GIGYF2: variants seen among roughly 807,000 people sequenced by gnomAD.
GIGYF2 encodes GRB10-interacting GYF protein 2.
A neutral mutation model predicts 208.1 loss-of-function variants in GIGYF2; 25 were observed. The observed-to-expected ratio is 0.12, with a 90% CI of 0.09 to 0.17. GIGYF2 has a LOEUF of 0.17. GIGYF2 is among the 10% of genes least tolerant of loss of function. The pLI is 1.00. For missense variants in GIGYF2, 1,302 were observed against 1,579.4 expected (o/e 0.82, Z 2.98); for synonymous variants, 534 against 543.8 (o/e 0.98, Z 0.25).
chr2:232,848,070 C>T (rs1702079487), intron 27 of GIGYF2, among the ~76,000 whole-genome samples: 1 of 152,172 alleles, frequency 6.6e-6, no homozygotes, highest in Non-Finnish European at 1.5e-5. Flanking sequence ...TGAACCATTG[C>T]TCCTAGGGGA....
At chr2:232,853,581 C>CT (rs926591505) in intron 28 of GIGYF2, among the ~76,000 whole-genome samples, 6 of 152,278 alleles carry the variant, frequency 3.9e-5, no homozygotes, top group South Asian at 4.1e-4. Flanking sequence ...CTGGCTTCCT[C>CT]TTTTTTTAGA....
At chr2:232,848,687 A>G (rs1033135359) in intron 27 of GIGYF2, among the ~76,000 whole-genome samples, 4 of 152,106 alleles carry the variant, frequency 2.6e-5, no homozygotes, top group Non-Finnish European at 5.9e-5. Flanking sequence ...AATTTGGAAA[A>G]CATGGCACTA....
chr2:232,747,282 A>G lies in GIGYF2; in HGVS notation c.42-333A>G, dbSNP rs35785837. Among the ~76,000 whole-genome samples the G allele has an allele frequency of 0.16, 24,693 of 152,126 alleles. 2,598 individuals are homozygous for G. Among genetic ancestry groups the G allele is most frequent in the Non-Finnish European group, 0.22 (14,881 of 67,990 alleles). On this transcript the variant is annotated intron_variant, in intron 3 of 28. Coordinates refer to ENST00000373563, the MANE Select transcript of GIGYF2 (RefSeq NM_001103146.3). ...TAAGTTTTATGAATCTAGTGAGTGT[A>G]AGGTAGTATCTCACTTTTGTTTTAA...
At chr2:232,848,965 C>T (rs937815922) in intron 27 of GIGYF2, among the ~76,000 whole-genome samples, 2 of 152,100 alleles carry the variant, frequency 1.3e-5, no homozygotes, top group African/African-American at 4.8e-5. Context: ...TGGCAAGGCT[C>T]ATGGAAGGGC....
intron 22 of GIGYF2, among the ~76,000 whole-genome samples, chr2:232,834,985 C>T (rs543043380): frequency 2.7e-4 from 41 of 152,292 alleles, no homozygotes; most frequent in African/African-American, 8.9e-4. Context: ...TTGTTCAACC[C>T]TTACTCACCT....
chr2:232,819,794 C>CTTTTTTAATGATA, intron 20 of GIGYF2, 33 bp from the exon 21 acceptor site: 1 of 246,356 alleles, frequency 4.1e-6, no homozygotes, highest in Non-Finnish European at 8.2e-6. Flanking sequence ...TGAGTCCCTC[C>CTTTTTTAATGATA]CCCACCCCCC....
At chr2:232,784,476 A>G (rs999084003) in intron 8 of GIGYF2, among the ~76,000 whole-genome samples, 269 of 128,182 alleles carry the variant, frequency 2.1e-3, no homozygotes, top group African/African-American at 7.2e-3. Context: ...TGCAAGCTCC[A>G]CCTCCCAGGT....
At chr2:232,719,081 C>T (rs969641641) in intron 2 of GIGYF2, 10 of 152,194 alleles carry the variant, frequency 6.6e-5, no homozygotes, top group Admixed American at 6.5e-4. Context: ...CAAACTCTGC[C>T]TTCGAGCAAT....
chr2:232,835,929 TC>T (rs1701574838), intron 22 of GIGYF2, among the ~76,000 whole-genome samples: 1 of 110,968 alleles, frequency 9.0e-6, no homozygotes, highest in South Asian at 4.1e-4. Flanking sequence ...CCGAGATAAC[TC>T]TCGGATTACA....
chr2:232,794,726 T>C (rs777311688), intron 12 of GIGYF2, 22 bp from the exon 13 acceptor site: 1 of 1,593,506 alleles, frequency 6.3e-7, no homozygotes, highest in Admixed American at 1.7e-5. Flanking sequence ...CAAAGGATTT[T>C]CATCTGATTT....
rs374448147 is a variant in GIGYF2 at position 232,806,460 on chromosome 2, T to A, written c.1640-31T>A. 1 of 1,486,952 alleles carries A rather than the reference T, an allele frequency of 6.7e-7. No individual in the cohort carries two copies. The highest frequency in any genetic ancestry group is 1.7e-5 in the Admixed American group (1 of 59,890). The allele number at this position is 1,486,952 out of a possible 1,614,324, so 92.1% of individuals were successfully genotyped here. The stretch of plus-strand genomic sequence containing the variant: ...CTCTTTGAGTCTGAAAGGTTTCTTA[T>A]TGTCTTTCTGTTTAATTGGTGCTGT... On this transcript the variant is annotated intron_variant, in intron 14 of 28. Coordinates refer to ENST00000373563, the MANE Select transcript of GIGYF2 (RefSeq NM_001103146.3). This position sits in a 1 kb window ranked among gnomAD's most constrained non-coding sequence, Gnocchi z 4.0.
At chr2:232,845,617 G>A in intron 25 of GIGYF2, 115 bp from the exon 26 acceptor site, 2 of 929,542 alleles carry the variant, frequency 2.2e-6, no homozygotes, top group South Asian at 1.4e-5. Flanking sequence ...GCCAAGCATT[G>A]GATTATTTAC....
chr2:232,754,368 ATTG>A (rs923509724), intron 5 of GIGYF2, among the ~76,000 whole-genome samples: 46 of 152,306 alleles, frequency 3.0e-4, no homozygotes, highest in African/African-American at 1.0e-3. Flanking sequence ...AAGAAGTAGA[ATTG>A]TTGTGTCAAA....
chr2:232,700,137 A>G (rs1695779582), intron 1 of GIGYF2, among the ~76,000 whole-genome samples: 1 of 152,214 alleles, frequency 6.6e-6, no homozygotes, highest in African/African-American at 2.4e-5. Flanking sequence ...GTTTGCCTCA[A>G]AATCATGAGA....
intron 26 of GIGYF2, 38 bp downstream of exon 26, chr2:232,845,924 CAG>C (rs748527994): frequency 7.3e-7 from 1 of 1,374,676 alleles, no homozygotes. Context: ...TGTGGAATGA[CAG>C]AGCAGGACCC....
chr2:232,821,967 T>A (rs1454517819), intron 21 of GIGYF2, among the ~76,000 whole-genome samples: 1 of 150,968 alleles, frequency 6.6e-6, no homozygotes, highest in Non-Finnish European at 1.5e-5. Context: ...ACTGGACTCT[T>A]CCCTTTTCTT....
intron 2 of GIGYF2, among the ~76,000 whole-genome samples, chr2:232,729,150 T>C (rs1472717365): frequency 6.6e-6 from 1 of 152,064 alleles, no homozygotes; most frequent in Admixed American, 6.6e-5. Context: ...GACTAACTTT[T>C]GTATTTTGTG....
rs1437025638 is a variant in GIGYF2 at position 232,806,209 on chromosome 2, T to G, written c.1640-282T>G. On this transcript the variant is annotated intron_variant, in intron 14 of 28. Transcript: ENST00000373563. This position sits in a 1 kb window ranked among gnomAD's most constrained non-coding sequence, Gnocchi z 4.0. ...GTTAACTCTTCAATTGTATCATACT[T>G]TACTGACACATGAATTGTTGTAGAG... Among the ~76,000 whole-genome samples, 6 of 152,226 alleles carry G rather than the reference T, an allele frequency of 3.9e-5. No individual in the cohort carries two copies. The highest frequency in any genetic ancestry group is 1.4e-4 in the African/African-American group (6 of 41,464).
chr2:232,790,746 G>A lies in GIGYF2; in HGVS notation c.761G>A (p.Arg254Lys). ...GWREHMERRR[R>K]FEFDFRDRDD... Reference sequence around the variant, plus strand: ...CGGGAACACATGGAACGACGTCGGAGGTTTGAGTTTGATTTTCGAGATAGA... The same window carrying A: ...CGGGAACACATGGAACGACGTCGGAAGTTTGAGTTTGATTTTCGAGATAGA... The change falls in exon 10 of 29, where the codon AGG becomes AAG. Residue 254 changes from arginine to lysine, a missense_variant. Around this residue, in one of 8 missense-constraint regions of GIGYF2, gnomAD observed 50 missense variants for 42.3 expected, o/e 1.18. Coordinates refer to ENST00000373563, the MANE Select transcript of GIGYF2 (RefSeq NM_001103146.3). 6.2e-7 allele frequency: 1 copy of A among 1,614,092 alleles called. No homozygotes were observed. Among genetic ancestry groups the A allele is most frequent in the Non-Finnish European group, 8.5e-7 (1 of 1,180,014 alleles).
Sources: allele counts gnomAD v4.1 joint callset (sites outside exome capture counted in the v4.1 genomes callset), GRCh38; gene constraint gnomAD v4.1.1; regional missense constraint gnomAD v4.1.1; non-coding constraint Gnocchi (gnomAD v3.1); transcripts MANE v1.5; gene names NCBI Gene and HGNC (gene_info 2026-07-23, HGNC 2026-07-21).